KIAA1328: variants seen among roughly 807,000 people sequenced by gnomAD.
KIAA1328 encodes the protein protein hinderin.
In KIAA1328, 52 loss-of-function variants were observed where a neutral mutation model predicts 68.1. That is an observed-to-expected ratio of 0.76 (90% CI 0.61 to 0.96). The LOEUF is 0.96. KIAA1328 is among the 40% of genes least tolerant of loss of function. The pLI, the probability that KIAA1328 is intolerant of heterozygous loss-of-function variation, is 0.00. For synonymous variants in KIAA1328, 232 were observed against 239.4 expected (o/e 0.97, Z 0.28); for missense variants, 641 against 677.6 (o/e 0.95, Z 0.60).
chr18:37,042,112 G>A (rs2055277130), intron 6 of KIAA1328, among the ~76,000 whole-genome samples: 1 of 151,986 alleles, frequency 6.6e-6, no homozygotes, highest in Non-Finnish European at 1.5e-5. Context: ...TGCCCAGGCT[G>A]GTCTCGAACT....
chr18:36,854,289 A>G (rs2047313741), intron 4 of KIAA1328, among the ~76,000 whole-genome samples: 2 of 152,204 alleles, frequency 1.3e-5, no homozygotes, highest in African/African-American at 2.4e-5. Flanking sequence ...GGAGGAAATA[A>G]GTTTCAGTTG....
intron 3 of KIAA1328, 51 bp downstream of exon 3, chr18:36,835,427 T>C (rs1489346195): frequency 5.2e-6 from 8 of 1,533,968 alleles, no homozygotes; most frequent in South Asian, 2.5e-5. Context: ...TCTTTATGAG[T>C]GCTGACCAAA....
intron 3 of KIAA1328, 58 bp downstream of exon 3, chr18:36,835,434 C>A: frequency 6.7e-7 from 1 of 1,484,464 alleles, no homozygotes; most frequent in African/African-American, 1.4e-5. Flanking sequence ...GAGTGCTGAC[C>A]AAAAAGGGTA....
At position 37,132,984 on chromosome 18, in the gene KIAA1328, G is replaced by A. The variant is rs973474840; in HGVS notation, c.1233-27216G>A. On this transcript the variant is annotated intron_variant, in intron 7 of 9. Transcript: ENST00000280020. ...GACATTGTGCTGAATAAAATAAGCCGTCTCAAAAATTCTATCCTGTTTGGT... is the reference window on the plus strand; with the variant it reads ...GACATTGTGCTGAATAAAATAAGCCATCTCAAAAATTCTATCCTGTTTGGT... Among the ~76,000 whole-genome samples the A allele has an allele frequency of 3.3e-5, 5 of 152,108 alleles. No homozygotes were observed. The East Asian group carries it at 9.6e-4, about 29-fold the overall frequency.
chr18:36,891,388 T>G (rs1301845046), intron 5 of KIAA1328, among the ~76,000 whole-genome samples: 4 of 152,228 alleles, frequency 2.6e-5, no homozygotes, highest in Non-Finnish European at 5.9e-5. Context: ...TTTCTGAGAT[T>G]TTGGTACACC....
intron 6 of KIAA1328, among the ~76,000 whole-genome samples, chr18:37,004,336 C>T (rs929736604): frequency 4.0e-5 from 6 of 150,942 alleles, no homozygotes; most frequent in South Asian, 2.1e-4. Flanking sequence ...TATTTTTTTT[C>T]GCTATATAAC....
intron 9 of KIAA1328, among the ~76,000 whole-genome samples, chr18:37,174,243 C>T (rs2059553805): frequency 2.0e-5 from 3 of 152,168 alleles, no homozygotes; most frequent in Admixed American, 2.0e-4. Flanking sequence ...GCAAAGCCAG[C>T]ATTTCAGACT....
At chr18:37,090,925 G>T (rs183729650) in intron 7 of KIAA1328, among the ~76,000 whole-genome samples, 2 of 152,238 alleles carry the variant, frequency 1.3e-5, no homozygotes, top group East Asian at 3.9e-4. Flanking sequence ...CATCGGGGAG[G>T]AGGATGCTGA....
intron 4 of KIAA1328, among the ~76,000 whole-genome samples, chr18:36,884,200 A>G (rs191797172): frequency 4.6e-5 from 7 of 152,280 alleles, no homozygotes; most frequent in Admixed American, 2.0e-4. Flanking sequence ...GAACAAAGGA[A>G]GCAGGATAAC....
intron 6 of KIAA1328, among the ~76,000 whole-genome samples, chr18:37,061,509 G>T (rs935874499): frequency 6.6e-6 from 1 of 152,108 alleles, no homozygotes; most frequent in Non-Finnish European, 1.5e-5. Context: ...AAAAATTGTG[G>T]TTTCTAAGTT....
chr18:37,183,028 T>G (rs1397101975), intron 9 of KIAA1328, among the ~76,000 whole-genome samples: 2 of 152,200 alleles, frequency 1.3e-5, no homozygotes, highest in Non-Finnish European at 2.9e-5. Flanking sequence ...TGAATGACCC[T>G]GCATTCAAAG....
intron 4 of KIAA1328, among the ~76,000 whole-genome samples, chr18:36,851,053 C>T (rs1023856716): frequency 1.3e-5 from 2 of 152,010 alleles, no homozygotes; most frequent in Non-Finnish European, 2.9e-5. Context: ...AGCTTTTCTG[C>T]CTCAATTGAT....
intron 9 of KIAA1328, among the ~76,000 whole-genome samples, chr18:37,204,762 CAAAAA>C (rs33939558): frequency 9.7e-6 from 1 of 103,428 alleles, no homozygotes; most frequent in Admixed American, 9.9e-5. Flanking sequence ...GAGTTTCAGT[CAAAAA>C]AAAAAAAAAA....
chr18:36,967,816 C>G (rs1056978882), intron 6 of KIAA1328, among the ~76,000 whole-genome samples: 4 of 151,874 alleles, frequency 2.6e-5, no homozygotes, highest in African/African-American at 7.3e-5. Flanking sequence ...GTTGAACAGG[C>G]AAGGAGCAAC....
intron 4 of KIAA1328, among the ~76,000 whole-genome samples, chr18:36,872,740 A>G (rs55804703): frequency 0.14 from 20,726 of 152,256 alleles, 1,753 homozygotes; most frequent in Admixed American, 0.18. Context: ...TACAAAGAGA[A>G]CAACAGACAC....
At chr18:37,048,155 A>G (rs1190370355) in intron 6 of KIAA1328, among the ~76,000 whole-genome samples, 2 of 152,240 alleles carry the variant, frequency 1.3e-5, no homozygotes, top group Non-Finnish European at 2.9e-5. Context: ...ATAAGCGAAC[A>G]GAAGGAAAAT....
intron 6 of KIAA1328, among the ~76,000 whole-genome samples, chr18:36,965,988 T>G (rs2051918680): frequency 6.7e-6 from 1 of 150,338 alleles, no homozygotes; most frequent in African/African-American, 2.4e-5. Flanking sequence ...GACTAAAAGG[T>G]CTGTAGGTAA....
At chr18:36,953,897 C>T (rs1213598195) in intron 5 of KIAA1328, among the ~76,000 whole-genome samples, 1 of 152,026 alleles carries the variant, frequency 6.6e-6, no homozygotes, top group East Asian at 1.9e-4. Context: ...AAATAGGCCT[C>T]CTACCCCAAA....
chr18:37,028,639 A>T (rs1272801132), intron 6 of KIAA1328, among the ~76,000 whole-genome samples: 1 of 151,942 alleles, frequency 6.6e-6, no homozygotes, highest in Non-Finnish European at 1.5e-5. Flanking sequence ...TTTTCCCATT[A>T]GTATGATGCT....
Sources: gnomAD v4.1 joint callset for allele counts (sites outside exome capture counted in the v4.1 genomes callset) on GRCh38, gnomAD v4.1.1 for gene constraint, MANE v1.5 for transcripts, NCBI Gene and HGNC (gene_info 2026-07-23, HGNC 2026-07-21) for gene names.